LARS2: variants seen among roughly 807,000 people sequenced by gnomAD.
The protein encoded by LARS2 is leucine--tRNA ligase, mitochondrial.
LARS2 carries 81 observed loss-of-function variants against 116.6 expected under a neutral mutation model. The observed-to-expected ratio is 0.69, with a 90% CI of 0.58 to 0.84. The LOEUF (loss-of-function observed/expected upper bound fraction) is 0.84. Among genes scored for constraint, LARS2 ranks in the 40% least tolerant of loss-of-function variants. The pLI, the probability that LARS2 is intolerant of heterozygous loss-of-function variation, is 0.00. For missense variants in LARS2, 968 were observed against 1,114.5 expected, an observed-to-expected ratio of 0.87 and a Z score of 1.87; for synonymous variants, 396 against 407.2, an observed-to-expected ratio of 0.97 and a Z score of 0.33.
At chr3:45,490,192 C>T (rs1254638304) in intron 12 of LARS2, among the ~76,000 whole-genome samples, 3 of 151,998 alleles carry the variant, frequency 2.0e-5, no homozygotes, top group Non-Finnish European at 2.9e-5. Flanking sequence ...GAGCAGGTTT[C>T]CTGGAGGTAG....
At position 45,547,805 on chromosome 3, in the gene LARS2, G is replaced by A; in HGVS notation, c.*275G>A. 2.9e-6 allele frequency: 1 copy of A among 339,448 alleles called. No homozygotes were observed. Among genetic ancestry groups the A allele is most frequent in the Non-Finnish European group, 5.3e-6 (1 of 187,068 alleles). 21.0% of individuals were successfully genotyped at this position (339,448 alleles called of 1,614,324 possible). A position where few individuals can be genotyped will look rare whatever the true frequency, so the allele number is the denominator to read the frequency against. ...CCCACCCACACTGCAGGTAGAGGAGGCCATCTGATCCCATGGGAAGCCATC... is the reference window on the plus strand; with the variant it reads ...CCCACCCACACTGCAGGTAGAGGAGACCATCTGATCCCATGGGAAGCCATC... On this transcript the variant is annotated 3_prime_UTR_variant, in exon 22 of 22. Coordinates refer to ENST00000645846, the MANE Select transcript of LARS2 (RefSeq NM_015340.4).
rs377184295 is a variant in LARS2, at chr3:45,535,356, TA to T, written c.2405-6462del. 3.2e-3 allele frequency among the ~76,000 whole-genome samples: 433 copies of T among 134,214 alleles called. 16 individuals are homozygous for T. The South Asian group carries it at 0.094, about 29-fold the overall frequency. 88.0% of individuals were successfully genotyped at this position (134,214 alleles called of 152,430 possible). ...CGACAGAGTGAGAATCTGTCTCAAT[TA>T]AAAAAAAAAAGAAAAGAAAAGAAAA... On this transcript the variant is annotated intron_variant, in intron 20 of 21. Transcript: ENST00000645846.
chr3:45,469,590 C>T (rs1216169106), intron 8 of LARS2, among the ~76,000 whole-genome samples: 4 of 151,944 alleles, frequency 2.6e-5, no homozygotes, highest in Non-Finnish European at 5.9e-5. Context: ...GTGATCCGCC[C>T]GCCTCGGCCT....
At chr3:45,457,743 C>G (rs751642238) in intron 7 of LARS2, among the ~76,000 whole-genome samples, 13 of 152,132 alleles carry the variant, frequency 8.5e-5, no homozygotes, top group Non-Finnish European at 1.8e-4. Context: ...CCAACACACC[C>G]CTCTGTACTC....
chr3:45,506,386 T>G (rs1433555082), intron 15 of LARS2, among the ~76,000 whole-genome samples: 1 of 152,096 alleles, frequency 6.6e-6, no homozygotes, highest in Non-Finnish European at 1.5e-5. Flanking sequence ...ATGAGTAATT[T>G]GGAATTCTAC....
chr3:45,511,933 A>G (rs1700298220), intron 15 of LARS2, among the ~76,000 whole-genome samples: 1 of 151,428 alleles, frequency 6.6e-6, no homozygotes, highest in African/African-American at 2.4e-5. Flanking sequence ...GCGCCCCCAC[A>G]CCTGGCCAAC....
In LARS2 at chr3:45,417,543, G is replaced by A; in HGVS notation, c.425G>A (p.Arg142Lys). The A allele has an allele frequency of 6.2e-7, 1 of 1,613,856 alleles. No homozygotes were observed. Among genetic ancestry groups the A allele is most frequent in the Non-Finnish European group, 8.5e-7 (1 of 1,179,798 alleles). ...CCTGCTGAAAATGCCGCAGTCGAGA[G>A]GAATCTACATCCACAAAGTTGGACA... ...GLPAENAAVE[R>K]NLHPQSWTQS... is the part of the protein sequence containing the mutation. Residue 142 changes from arginine to lysine, a missense_variant, in exon 5 of 22, where the codon AGG (arginine) becomes AAG (lysine). Coordinates refer to ENST00000645846, the MANE Select transcript of LARS2 (RefSeq NM_015340.4).
At chr3:45,399,992 G>GA (rs890220549) in intron 3 of LARS2, among the ~76,000 whole-genome samples, 17 of 147,982 alleles carry the variant, frequency 1.1e-4, no homozygotes, top group African/African-American at 2.0e-4. Flanking sequence ...TTTTAAAAGA[G>GA]AAAAAAAAAA....
chr3:45,491,846 T>C, intron 13 of LARS2, 46 bp downstream of exon 13: 1 of 1,565,790 alleles, frequency 6.4e-7, no homozygotes, highest in Non-Finnish European at 8.7e-7. Context: ...TATGGCCCCA[T>C]ACCTGCTAGG....
intron 6 of LARS2, among the ~76,000 whole-genome samples, chr3:45,444,043 T>C (rs1698965984): frequency 6.6e-6 from 1 of 151,182 alleles, no homozygotes; most frequent in South Asian, 2.1e-4. Context: ...CTTGCTCTGT[T>C]GTCCAGGCTG....
intron 20 of LARS2, among the ~76,000 whole-genome samples, chr3:45,531,410 C>G (rs540238571): frequency 6.6e-6 from 1 of 152,174 alleles, no homozygotes; most frequent in African/African-American, 2.4e-5. Context: ...CAGGGTCTCA[C>G]TCTGTTGTCC....
intron 10 of LARS2, among the ~76,000 whole-genome samples, chr3:45,482,211 T>A (rs1327960195): frequency 6.6e-6 from 1 of 152,208 alleles, no homozygotes; most frequent in Non-Finnish European, 1.5e-5. Flanking sequence ...AATCCATACA[T>A]AATGTCCTAT....
intron 6 of LARS2, among the ~76,000 whole-genome samples, chr3:45,424,214 C>T (rs1018553236): frequency 3.9e-5 from 6 of 152,206 alleles, no homozygotes; most frequent in African/African-American, 9.6e-5. Flanking sequence ...TCACAATAAA[C>T]GCATTGTTAA....
intron 3 of LARS2, among the ~76,000 whole-genome samples, chr3:45,399,824 T>C (rs758853246): frequency 1.3e-5 from 2 of 151,946 alleles, no homozygotes; most frequent in Non-Finnish European, 2.9e-5. Flanking sequence ...CAAAGTCCAT[T>C]GTATCATTCT....
At chr3:45,443,561 C>T (rs1009410899) in intron 6 of LARS2, among the ~76,000 whole-genome samples, 4 of 152,048 alleles carry the variant, frequency 2.6e-5, no homozygotes, top group African/African-American at 4.8e-5. Context: ...GAAGGTCGGT[C>T]GGTGGCTGGG....
chr3:45,526,469 C>T (rs1700533071), intron 20 of LARS2, among the ~76,000 whole-genome samples: 1 of 152,120 alleles, frequency 6.6e-6, no homozygotes, highest in African/African-American at 2.4e-5. Flanking sequence ...GCAACATATC[C>T]ATGGGTTGCT....
At chr3:45,476,750 G>A in intron 10 of LARS2, 123 bp downstream of exon 10, 1 of 894,116 alleles carries the variant, frequency 1.1e-6, no homozygotes, top group South Asian at 1.8e-5. Flanking sequence ...GCCTTAGCCT[G>A]ATTTTTTATG....
intron 3 of LARS2, among the ~76,000 whole-genome samples, chr3:45,396,343 C>T (rs1007498743): frequency 2.2e-4 from 33 of 152,354 alleles, no homozygotes; most frequent in African/African-American, 7.2e-4. Flanking sequence ...CAGGCCACAT[C>T]ATTTAATGTT....
At chr3:45,534,258 T>C (rs973550057) in intron 20 of LARS2, among the ~76,000 whole-genome samples, 2 of 152,080 alleles carry the variant, frequency 1.3e-5, no homozygotes, top group African/African-American at 2.4e-5. Flanking sequence ...AATGTCCCCC[T>C]AGGTCATTAC....
Sources: allele counts gnomAD v4.1 joint callset (sites outside exome capture counted in the v4.1 genomes callset), GRCh38; gene constraint gnomAD v4.1.1; transcripts MANE v1.5; gene names NCBI Gene and HGNC (gene_info 2026-07-23, HGNC 2026-07-21).